The following HPSE2 variants were observed in gnomAD, a reference collection of about 807,000 sequenced individuals.
The protein encoded by HPSE2 is heparanase 2 (inactive).
HPSE2 carries 38 observed loss-of-function variants against 60.5 expected under a neutral mutation model. That is an observed-to-expected ratio of 0.63 (90% CI 0.48 to 0.82). HPSE2 has a LOEUF of 0.82. Among genes scored for constraint, HPSE2 ranks in the 40% least tolerant of loss-of-function variants. HPSE2 has a pLI of 0.00. For missense variants in HPSE2, 713 were observed against 740.4 expected, an observed-to-expected ratio of 0.96 and a Z score of 0.43; for synonymous variants, 295 against 293.2, an observed-to-expected ratio of 1.01 and a Z score of -0.06.
At chr10:99,174,205 T>C (rs1051055833) in intron 2 of HPSE2, among the ~76,000 whole-genome samples, 5 of 152,248 alleles carry the variant, frequency 3.3e-5, no homozygotes, top group African/African-American at 1.2e-4. Context: ...TTGAGTTCCA[T>C]CTTTGTCACA....
chr10:98,640,605 T>C (rs546489627), intron 7 of HPSE2, among the ~76,000 whole-genome samples: 1 of 152,346 alleles, frequency 6.6e-6, no homozygotes, highest in South Asian at 2.1e-4. Flanking sequence ...AGCTATTCAT[T>C]TGTCTATTTA....
At chr10:99,212,145 A>G (rs1183026777) in intron 2 of HPSE2, among the ~76,000 whole-genome samples, 4 of 152,178 alleles carry the variant, frequency 2.6e-5, no homozygotes, top group African/African-American at 4.8e-5. Context: ...CACATCTGTT[A>G]GAATAGCTAT....
At chr10:98,550,894 C>G (rs1943844828) in intron 9 of HPSE2, among the ~76,000 whole-genome samples, 1 of 152,184 alleles carries the variant, frequency 6.6e-6, no homozygotes, top group South Asian at 2.1e-4. Context: ...CAGGCATGAG[C>G]CACTGAACTT....
At chr10:99,010,842 C>T (rs750225561) in intron 3 of HPSE2, among the ~76,000 whole-genome samples, 8 of 152,062 alleles carry the variant, frequency 5.3e-5, no homozygotes, top group Non-Finnish European at 1.0e-4. Context: ...ACTGACAAGT[C>T]GGTAATCATC....
At chr10:98,556,617 G>C (rs1589416486) in intron 9 of HPSE2, among the ~76,000 whole-genome samples, 1 of 152,084 alleles carries the variant, frequency 6.6e-6, no homozygotes, top group Non-Finnish European at 1.5e-5. Context: ...AAGTAGGTAA[G>C]ACCTCTGCCT....
At chr10:99,260,236 T>G in the HPSE2 span, among the ~76,000 whole-genome samples, 1 of 108,934 alleles carries the variant, frequency 9.2e-6, no homozygotes, top group Non-Finnish European at 2.2e-5. Context: ...AGCCATGAGC[T>G]CCTACAAAAA....
intron 3 of HPSE2, among the ~76,000 whole-genome samples, chr10:98,768,519 T>C (rs1406295768): frequency 2.0e-5 from 3 of 152,242 alleles, no homozygotes; most frequent in African/African-American, 7.2e-5. Flanking sequence ...TCTAAATTAT[T>C]TGATGACTTG....
chr10:98,874,278 T>C (rs1319727817), intron 3 of HPSE2, among the ~76,000 whole-genome samples: 1 of 152,140 alleles, frequency 6.6e-6, no homozygotes, highest in Non-Finnish European at 1.5e-5. Context: ...ATGAAGTCTT[T>C]GCCCATGCCT....
chr10:98,833,309 A>G (rs1295934960), intron 3 of HPSE2, among the ~76,000 whole-genome samples: 1 of 152,172 alleles, frequency 6.6e-6, no homozygotes, highest in Non-Finnish European at 1.5e-5. Flanking sequence ...GGTGAATCCA[A>G]AAAAGATGGC....
chr10:98,602,659 A>C (rs11189710), intron 9 of HPSE2, among the ~76,000 whole-genome samples: 47,478 of 151,988 alleles, frequency 0.31, 7,617 homozygotes, highest in African/African-American at 0.33. Flanking sequence ...ACCCTTACAT[A>C]TGTGGTCACT....
At chr10:99,294,395 AAT>A in the HPSE2 span, among the ~76,000 whole-genome samples, 3 of 146,862 alleles carry the variant, frequency 2.0e-5, no homozygotes, top group Non-Finnish European at 4.5e-5. Flanking sequence ...TATAATATAT[AAT>A]ATATAAATAT....
chr10:99,180,964 T>C (rs1847743492), intron 2 of HPSE2, among the ~76,000 whole-genome samples: 1 of 149,406 alleles, frequency 6.7e-6, no homozygotes, highest in African/African-American at 2.5e-5. Flanking sequence ...ACTTTTACAC[T>C]GTTGGTGGGA....
At chr10:99,175,092 T>C (rs1369938390) in intron 2 of HPSE2, among the ~76,000 whole-genome samples, 1 of 152,082 alleles carries the variant, frequency 6.6e-6, no homozygotes, top group Non-Finnish European at 1.5e-5. Context: ...CCAGATACTA[T>C]GCTTTTCCCG....
At chr10:98,685,096 T>C (rs1947879382) in intron 6 of HPSE2, among the ~76,000 whole-genome samples, 1 of 152,190 alleles carries the variant, frequency 6.6e-6, no homozygotes, top group African/African-American at 2.4e-5. Flanking sequence ...AACAGTTTAC[T>C]GTACTTGTTT....
intron 3 of HPSE2, among the ~76,000 whole-genome samples, chr10:98,774,563 C>T (rs1186611365): frequency 6.6e-6 from 1 of 152,088 alleles, no homozygotes; most frequent in Non-Finnish European, 1.5e-5. Context: ...TCATCCCAAC[C>T]CCCTTCCCCA....
intron 7 of HPSE2, among the ~76,000 whole-genome samples, chr10:98,628,684 G>A (rs1268382309): frequency 6.6e-6 from 1 of 152,162 alleles, no homozygotes; most frequent in East Asian, 1.9e-4. Context: ...AAATTGCTCA[G>A]TAAAGGGCCA....
chr10:99,162,929 G>T (rs999530396), intron 2 of HPSE2, among the ~76,000 whole-genome samples: 11 of 152,096 alleles, frequency 7.2e-5, no homozygotes, highest in African/African-American at 2.4e-4. Flanking sequence ...AGGCTTCATG[G>T]CCAGGCGCGG....
chr10:99,122,708 C>T (rs1845005653), intron 3 of HPSE2, among the ~76,000 whole-genome samples: 1 of 151,974 alleles, frequency 6.6e-6, no homozygotes, highest in Non-Finnish European at 1.5e-5. Context: ...GAAGACAATA[C>T]TGAAAAATAT....
intron 9 of HPSE2, among the ~76,000 whole-genome samples, chr10:98,606,202 G>GAT (rs1278398781): frequency 6.6e-6 from 1 of 152,308 alleles, no homozygotes; most frequent in East Asian, 1.9e-4. Context: ...ATGAATGAAT[G>GAT]ATAGACAGTA....
Sources: gnomAD v4.1 joint callset for allele counts (sites outside exome capture counted in the v4.1 genomes callset) on GRCh38, gnomAD v4.1.1 for gene constraint, MANE v1.5 for transcripts, NCBI Gene and HGNC (gene_info 2026-07-23, HGNC 2026-07-21) for gene names.